The following VWA8 variants were observed in gnomAD, a reference collection of about 807,000 sequenced individuals.
VWA8 encodes von Willebrand factor A domain containing 8.
A neutral mutation model predicts 241.5 loss-of-function variants in VWA8; 221 were observed. The observed-to-expected ratio is 0.91, with a 90% confidence interval of 0.82 to 1.02. VWA8 has a LOEUF of 1.02. Among genes scored for constraint, VWA8 ranks in the 50% least tolerant of loss-of-function variants. VWA8 has a pLI of 0.00. For synonymous variants in VWA8, 852 were observed against 827.1 expected (o/e 1.03, Z -0.52); for missense variants, 2,322 against 2,328.7 (o/e 1.00, Z 0.06).
chr13:41,592,170 C>T (rs2044459563), intron 40 of VWA8, among the ~76,000 whole-genome samples: 1 of 146,672 alleles, frequency 6.8e-6, no homozygotes, highest in Non-Finnish European at 1.5e-5. Context: ...TTTGTAGGGA[C>T]ATGGATGAAA....
chr13:41,587,906 T>C (rs947675121), intron 41 of VWA8, among the ~76,000 whole-genome samples: 4 of 152,244 alleles, frequency 2.6e-5, no homozygotes, highest in African/African-American at 7.2e-5. Flanking sequence ...ATATTTTCCT[T>C]TGGAATATAG....
chr13:41,626,345 A>T (rs2044690964), intron 37 of VWA8, among the ~76,000 whole-genome samples: 1 of 152,208 alleles, frequency 6.6e-6, no homozygotes, highest in Non-Finnish European at 1.5e-5. Context: ...TATGCTGCCC[A>T]AAGTAATTTG....
At chr13:41,819,157 G>C in intron 15 of VWA8, 61 bp downstream of exon 15, 2 of 1,513,468 alleles carry the variant, frequency 1.3e-6, no homozygotes. Context: ...GCATGTATCA[G>C]AGTGCCTTAA....
chr13:41,629,756 C>T (rs2044714808), intron 37 of VWA8, among the ~76,000 whole-genome samples: 1 of 152,172 alleles, frequency 6.6e-6, no homozygotes, highest in Non-Finnish European at 1.5e-5. Flanking sequence ...AATGATAACA[C>T]ATGACAAAAA....
chr13:41,714,508 A>G (rs890622098), intron 26 of VWA8, among the ~76,000 whole-genome samples: 2 of 152,034 alleles, frequency 1.3e-5, no homozygotes, highest in South Asian at 4.1e-4. Flanking sequence ...GCTTATTTAA[A>G]AAATTACCAC....
At chr13:41,672,108 C>T (rs1014774162) in intron 36 of VWA8, among the ~76,000 whole-genome samples, 1 of 152,142 alleles carries the variant, frequency 6.6e-6, no homozygotes, top group East Asian at 1.9e-4. Context: ...TGAGTGAGTA[C>T]TGGACTCACT....
intron 5 of VWA8, among the ~76,000 whole-genome samples, chr13:41,889,018 A>G (rs1463818852): frequency 1.3e-5 from 2 of 152,260 alleles, no homozygotes; most frequent in Non-Finnish European, 2.9e-5. Context: ...TAAATAAAAT[A>G]TAAAGTTCAT....
At chr13:41,935,523 T>C (rs1179178057) in intron 2 of VWA8, among the ~76,000 whole-genome samples, 1 of 152,124 alleles carries the variant, frequency 6.6e-6, no homozygotes, top group Non-Finnish European at 1.5e-5. Flanking sequence ...AAGTTGCATT[T>C]AAACATGAGG....
chr13:41,803,923 C>A (rs2137964533), intron 17 of VWA8, among the ~76,000 whole-genome samples: 1 of 152,186 alleles, frequency 6.6e-6, no homozygotes, highest in African/African-American at 2.4e-5. Flanking sequence ...CTGTCAACAG[C>A]AAAATTGATC....
intron 21 of VWA8, among the ~76,000 whole-genome samples, chr13:41,754,393 G>C (rs1391124397): frequency 3.3e-5 from 5 of 152,100 alleles, no homozygotes; most frequent in African/African-American, 1.2e-4. Flanking sequence ...CAGCCACATG[G>C]AACTGTAAGT....
chr13:41,626,591 T>C (rs763542591), intron 37 of VWA8, among the ~76,000 whole-genome samples: 22 of 151,838 alleles, frequency 1.4e-4, no homozygotes, highest in Non-Finnish European at 2.9e-4. Flanking sequence ...ATGGAGCAGG[T>C]TAACGAACCC....
chr13:41,711,467 T>C (rs1437292674), intron 26 of VWA8, among the ~76,000 whole-genome samples: 4 of 152,224 alleles, frequency 2.6e-5, no homozygotes, highest in Admixed American at 2.0e-4. Context: ...AATGACTTAA[T>C]AGCAACTTAC....
intron 37 of VWA8, among the ~76,000 whole-genome samples, chr13:41,666,432 G>T (rs1284231952): frequency 6.6e-6 from 1 of 152,090 alleles, no homozygotes; most frequent in Non-Finnish European, 1.5e-5. Context: ...AAGCCTTGCT[G>T]TTAGGTAACT....
chr13:41,837,135 G>T (rs763210220), intron 12 of VWA8, among the ~76,000 whole-genome samples: 2 of 152,074 alleles, frequency 1.3e-5, no homozygotes, highest in Non-Finnish European at 2.9e-5. Context: ...GTCCAGTCTG[G>T]TCTTGAACTC....
intron 40 of VWA8, among the ~76,000 whole-genome samples, chr13:41,601,235 C>A (rs2044519288): frequency 6.6e-6 from 1 of 152,112 alleles, no homozygotes; most frequent in Admixed American, 6.6e-5. Flanking sequence ...AGGTACTTAC[C>A]ATATTAAATG....
At chr13:41,757,138 G>A (rs929673607) in intron 21 of VWA8, among the ~76,000 whole-genome samples, 14 of 151,054 alleles carry the variant, frequency 9.3e-5, no homozygotes, top group Admixed American at 5.3e-4. Flanking sequence ...TAGCTTAAAG[G>A]AGAGGAAAAA....
At chr13:41,798,487 G>A (rs777940739) in intron 17 of VWA8, among the ~76,000 whole-genome samples, 1 of 152,082 alleles carries the variant, frequency 6.6e-6, no homozygotes, top group Non-Finnish European at 1.5e-5. Context: ...ATCCAATCCT[G>A]GAATCTACTA....
At chr13:41,670,651 A>G (rs2045015919) in intron 37 of VWA8, among the ~76,000 whole-genome samples, 1 of 152,186 alleles carries the variant, frequency 6.6e-6, no homozygotes, top group Non-Finnish European at 1.5e-5. Context: ...GTGCTACTGG[A>G]AACTGGTTAG....
chr13:41,868,887 C>CAA (rs56124196), intron 9 of VWA8, among the ~76,000 whole-genome samples: 20 of 75,872 alleles, frequency 2.6e-4, no homozygotes, highest in South Asian at 5.0e-4. Context: ...GACTCCGTCT[C>CAA]AAAAAAAAAA....
Sources: allele counts gnomAD v4.1 joint callset (sites outside exome capture counted in the v4.1 genomes callset), GRCh38; gene constraint gnomAD v4.1.1; transcripts MANE v1.5; gene names NCBI Gene and HGNC (gene_info 2026-07-23, HGNC 2026-07-21).